Variants in TSKS observed in about 807,000 individuals in gnomAD.
The protein encoded by TSKS is testis-specific serine kinase substrate.
Under a neutral mutation model 68.0 loss-of-function variants are expected in TSKS, and 27 were observed. The observed-to-expected ratio is 0.40, with a 90% CI of 0.29 to 0.55. TSKS has a LOEUF of 0.55. Ranked by LOEUF, TSKS falls within the 20% of genes least tolerant of loss-of-function variation. The pLI is 0.53. For missense variants in TSKS, 806 were observed against 776.0 expected (o/e 1.04, Z -0.46); for synonymous variants, 331 against 340.4 (o/e 0.97, Z 0.30).
intron 4 of TSKS, 96 bp downstream of exon 4, chr19:49,747,989 G>A (rs958920761): frequency 3.4e-6 from 4 of 1,180,700 alleles, no homozygotes; most frequent in Non-Finnish European, 5.0e-6. Flanking sequence ...GATTACAGAT[G>A]TGAGCCACTG....
At chr19:49,745,075 T>C in intron 7 of TSKS, 127 bp downstream of exon 7, 1 of 907,130 alleles carries the variant, frequency 1.1e-6, no homozygotes, top group Non-Finnish European at 1.6e-6. Context: ...TGTTTCCCGA[T>C]GTCGGTATAT....
intron 2 of TSKS, among the ~76,000 whole-genome samples, chr19:49,756,802 G>A (rs2084396009): frequency 6.6e-6 from 1 of 152,182 alleles, no homozygotes; most frequent in East Asian, 1.9e-4. Context: ...GCTCATGCTT[G>A]TAATCCCAGC....
rs767584223 is a variant in TSKS at position 49,763,257 on chromosome 19, G to T, written c.-10C>A. 5 of 1,481,874 alleles carry T rather than the reference G, an allele frequency of 3.4e-6. No individual in the cohort carries two copies. In the African/African-American group the frequency reaches 4.3e-5, roughly 13 times the overall value. The allele number at this position is 1,481,874 out of a possible 1,614,324, so 91.8% of individuals were successfully genotyped here. On this transcript the variant is annotated 5_prime_UTR_variant, in exon 1 of 11. Coordinates refer to ENST00000246801, the MANE Select transcript of TSKS (RefSeq NM_021733.2). This position sits in a 1 kb window ranked among gnomAD's most constrained non-coding sequence, Gnocchi z 4.5. ...CCACCACGCTCGCCATGGTGTGGGG[G>T]TCTGGCTCCCAGGGAGGGGCTCCTT...
chr19:49,761,871 A>T, intron 2 of TSKS, 133 bp downstream of exon 2: 1 of 680,872 alleles, frequency 1.5e-6, no homozygotes, highest in Non-Finnish European at 2.5e-6. Flanking sequence ...GTTCCCAGTT[A>T]GTTCCTCTGG....
intron 2 of TSKS, among the ~76,000 whole-genome samples, chr19:49,749,772 A>G (rs948057573): frequency 2.6e-5 from 4 of 152,032 alleles, no homozygotes; most frequent in African/African-American, 9.7e-5. Context: ...TACCATGCCC[A>G]GCAAAATTTT....
intron 8 of TSKS, among the ~76,000 whole-genome samples, chr19:49,742,358 C>T (rs1323499087): frequency 2.0e-5 from 3 of 152,058 alleles, no homozygotes; most frequent in Non-Finnish European, 2.9e-5. Flanking sequence ...CCGCCACATC[C>T]GGCTAATTTT....
chr19:49,748,949 G>T (rs2084325927), intron 2 of TSKS, among the ~76,000 whole-genome samples: 1 of 152,084 alleles, frequency 6.6e-6, no homozygotes, highest in Non-Finnish European at 1.5e-5. Context: ...TTTAATCCCA[G>T]CTACTTGGGA....
chr19:49,753,924 C>A (rs2084372641), intron 2 of TSKS, among the ~76,000 whole-genome samples: 1 of 149,050 alleles, frequency 6.7e-6, no homozygotes, highest in Non-Finnish European at 1.5e-5. Flanking sequence ...TCCCTCTGTC[C>A]CCCAGGCTGG....
At chr19:49,760,868 C>A (rs1195349066) in intron 2 of TSKS, among the ~76,000 whole-genome samples, 3 of 152,060 alleles carry the variant, frequency 2.0e-5, no homozygotes, top group Non-Finnish European at 2.9e-5. Context: ...GTGGGCAGAT[C>A]ACCTGAGGTC....
Position 49,745,224 on chromosome 19 carries a change from G to A in TSKS, c.1165C>T (p.Arg389Trp), listed in dbSNP as rs1197002349. 2.5e-6 allele frequency: 4 copies of A among 1,604,428 alleles called. No homozygotes were observed. Among genetic ancestry groups the A allele is most frequent in the Non-Finnish European group, 3.4e-6 (4 of 1,176,096 alleles). Residue 389 changes from arginine to tryptophan, a missense_variant, in exon 7 of 11, where the codon CGG (arginine) becomes TGG (tryptophan). Arg to Trp is a moderately radical substitution (Grantham distance 101). Transcript: ENST00000246801. ...TARDLQELRG[R>W]ADELCTMVER... ...CACATGGTGCACAGCTCATCCGCCCGACCTCGCAGCTCCTGCAAGTCCCGC... is the reference window on the plus strand; with the variant it reads ...CACATGGTGCACAGCTCATCCGCCCAACCTCGCAGCTCCTGCAAGTCCCGC...
rs1462552517 is a variant in TSKS at position 49,747,089 on chromosome 19, C to T, written c.664-291G>A. 1.3e-5 allele frequency: 19 copies of T among 1,480,096 alleles called. No homozygotes were observed. The East Asian group carries it at 4.2e-4, about 33-fold the overall frequency. The allele number at this position is 1,480,096 out of a possible 1,614,324, so 91.7% of individuals were successfully genotyped here. A position where few individuals can be genotyped will look rare whatever the true frequency, so the allele number is the denominator to read the frequency against. On this transcript the variant is annotated intron_variant, in intron 5 of 10. Transcript: ENST00000246801. ...GGCCACTTGGCAAGAACAACTGAAG[C>T]TTTCTCAGCATTTTGTTGGAAAATG...
At chr19:49,746,887 G>A (rs1203741093) in intron 5 of TSKS, 89 bp from the exon 6 acceptor site, 2 of 1,533,186 alleles carry the variant, frequency 1.3e-6, no homozygotes, top group Non-Finnish European at 1.7e-6. Flanking sequence ...AGTACTCCCC[G>A]AGATTGGAAG....
At chr19:49,761,580 C>T (rs555995307) in intron 2 of TSKS, among the ~76,000 whole-genome samples, 1 of 152,310 alleles carries the variant, frequency 6.6e-6, no homozygotes, top group East Asian at 1.9e-4. Flanking sequence ...CTTTTGCCCC[C>T]ACCAGACTGG....
At chr19:49,748,978 G>T (rs1289057810) in intron 2 of TSKS, among the ~76,000 whole-genome samples, 1 of 152,010 alleles carries the variant, frequency 6.6e-6, no homozygotes, top group Non-Finnish European at 1.5e-5. Context: ...CAGGAGAATT[G>T]CTTGAACCTG....
intron 2 of TSKS, among the ~76,000 whole-genome samples, chr19:49,760,537 A>G (rs62129178): frequency 0.022 from 3,402 of 151,990 alleles, 59 homozygotes; most frequent in Non-Finnish European, 0.03. Context: ...GGGTTTCACC[A>G]TATTGGCCAG....
In TSKS at chr19:49,739,944, C is replaced by T. The variant is rs1324884913; in HGVS notation, c.1623-12G>A. On this transcript the variant is annotated splice_polypyrimidine_tract_variant and intron_variant, in intron 10 of 10. Transcript: ENST00000246801. ...TGGCCATCTTCTCCCTGTCATGAGG[C>T]AGCGGGGAGTTGATGGCGGCATGGC... The T allele has an allele frequency of 6.2e-7, 1 of 1,608,814 alleles. No homozygotes were observed. The highest frequency in any genetic ancestry group is 8.5e-7 in the Non-Finnish European group (1 of 1,175,880).
At position 49,740,172 on chromosome 19, in the gene TSKS, G is replaced by C. The variant is rs1383434733; in HGVS notation, c.1509C>G (p.Arg503=). The C allele has an allele frequency of 6.2e-7, 1 of 1,612,908 alleles. No individual in the cohort carries two copies. The highest frequency in any genetic ancestry group is 1.7e-5 in the Admixed American group (1 of 59,946). The part of the protein sequence containing the change: ...RLHKKILELE[R]QALAKHVRAE... ...CCCTGACGTGTTTGGCTAAGGCCTG[G>C]CGCTCCAGCTCCTGGGGAGAGGAGC... The change falls in exon 10 of 11, where the codon CGC becomes CGG. Residue 503 remains arginine, a synonymous_variant. Transcript: ENST00000246801.
rs1273242325 is a variant in TSKS, at chr19:49,745,328, A to C, written c.1061T>G (p.Leu354Arg). Residue 354 changes from leucine to arginine, a missense_variant, in exon 7 of 11, where the codon CTG becomes CGG. Physicochemically the swap from Leu to Arg is moderately radical, Grantham distance 102. Coordinates refer to ENST00000246801, the MANE Select transcript of TSKS (RefSeq NM_021733.2). ...GACCCTGCCGCCCAGGCCCCCGAGC[A>C]GCCGCAGGGCTTCCTGCACCGCCCC... Reference protein sequence around the residue: ...EEGAVQEALRLLGGLGGRVDG... With the variant: ...EEGAVQEALRRLGGLGGRVDG... 1 of 1,602,110 alleles carries C rather than the reference A, an allele frequency of 6.2e-7. No individual in the cohort carries two copies. The highest frequency in any genetic ancestry group is 1.7e-5 in the Admixed American group (1 of 59,598).
intron 8 of TSKS, among the ~76,000 whole-genome samples, chr19:49,742,496 CT>C (rs978089309): frequency 0.088 from 8,891 of 101,194 alleles, 329 homozygotes; most frequent in African/African-American, 0.18. Flanking sequence ...GGGCCCGGCC[CT>C]TTTTTTTTTT....
Sources: allele counts gnomAD v4.1 joint callset (sites outside exome capture counted in the v4.1 genomes callset), GRCh38; gene constraint gnomAD v4.1.1; non-coding constraint Gnocchi (gnomAD v3.1); transcripts MANE v1.5; gene names NCBI Gene and HGNC (gene_info 2026-07-23, HGNC 2026-07-21).